RARB: variants seen among roughly 807,000 people sequenced by gnomAD.
The protein encoded by RARB is HBV-activated protein.
In RARB, 17 loss-of-function variants were observed where a neutral mutation model predicts 51.9. The observed-to-expected ratio is 0.33, with a 90% CI of 0.22 to 0.49. The LOEUF is 0.49. Ranked by LOEUF, RARB falls within the 20% of genes least tolerant of loss-of-function variation. The pLI is 0.99. For synonymous variants in RARB, 215 were observed against 195.4 expected, an observed-to-expected ratio of 1.10 and a Z score of -0.84; for missense variants, 369 against 550.8, an observed-to-expected ratio of 0.67 and a Z score of 3.30.
In RARB at chr3:24,909,926, T is replaced by C. The variant is rs1322514245; in HGVS notation, c.-380+51174T>C. Among the ~76,000 whole-genome samples, 5 of 152,306 alleles carry C rather than the reference T, an allele frequency of 3.3e-5. No individual in the cohort carries two copies. The East Asian group carries it at 9.6e-4, about 29-fold the overall frequency. ...GTGTGTTTGTATTTATTCTCCACAG[T>C]AAAGTGTCGAATTTCTATATATTTT... On this transcript the variant is annotated intron_variant, in intron 2 of 11. Transcript: ENST00000383772.
chr3:25,308,034 A>T (rs368320697), intron 5 of RARB, among the ~76,000 whole-genome samples: 4 of 152,236 alleles, frequency 2.6e-5, no homozygotes, highest in South Asian at 4.2e-4. Flanking sequence ...GCCCTGTAGG[A>T]TTGTGTTCCT....
At chr3:25,516,441 A>G (rs1698164028) in intron 3 of RARB, among the ~76,000 whole-genome samples, 1 of 152,168 alleles carries the variant, frequency 6.6e-6, no homozygotes, top group South Asian at 2.1e-4. Flanking sequence ...AAAAAAAGCA[A>G]GGTGCTTTAT....
At chr3:25,142,587 TA>T (rs1700125514) in intron 4 of RARB, among the ~76,000 whole-genome samples, 1 of 106,616 alleles carries the variant, frequency 9.4e-6, no homozygotes, top group Admixed American at 1.2e-4. Flanking sequence ...TCACTGCCTG[TA>T]TTTTTTTTTT....
intron 2 of RARB, among the ~76,000 whole-genome samples, chr3:24,947,991 T>A (rs1695811171): frequency 6.6e-6 from 1 of 152,216 alleles, no homozygotes; most frequent in African/African-American, 2.4e-5. Flanking sequence ...TATGTAGCTC[T>A]ATGAGCTCTC....
intron 5 of RARB, among the ~76,000 whole-genome samples, chr3:25,278,119 C>T (rs1703436291): frequency 6.6e-6 from 1 of 152,078 alleles, no homozygotes; most frequent in Admixed American, 6.6e-5. Context: ...GCAACTTTTC[C>T]ACTTCACGGC....
chr3:25,495,479 A>G (rs2125597626), intron 2 of RARB, among the ~76,000 whole-genome samples: 1 of 152,384 alleles, frequency 6.6e-6, no homozygotes, highest in East Asian at 1.9e-4. Context: ...GATTGGAAAC[A>G]GTGGTACTTC....
chr3:24,855,744 A>ATTTTTTTT (rs34706427), intron 1 of RARB, among the ~76,000 whole-genome samples: 1 of 110,218 alleles, frequency 9.1e-6, no homozygotes. Flanking sequence ...GGAAATCTGC[A>ATTTTTTTT]TTTTTTTTTT....
At chr3:25,004,384 G>T (rs1421435660) in intron 2 of RARB, among the ~76,000 whole-genome samples, 4 of 152,070 alleles carry the variant, frequency 2.6e-5, no homozygotes, top group Non-Finnish European at 5.9e-5. Flanking sequence ...CAGATTCATT[G>T]GCTCACTATT....
At chr3:25,290,282 C>G (rs1347933868) in intron 5 of RARB, among the ~76,000 whole-genome samples, 2 of 152,098 alleles carry the variant, frequency 1.3e-5, no homozygotes, top group African/African-American at 4.8e-5. Context: ...GGACTAACAT[C>G]CTTATGAGAA....
chr3:24,879,498 T>TG (rs1409009234), intron 2 of RARB, among the ~76,000 whole-genome samples: 6 of 149,960 alleles, frequency 4.0e-5, no homozygotes, highest in Non-Finnish European at 5.9e-5. Flanking sequence ...TTTTTTTTTT[T>TG]TTTTTCTTAA....
At chr3:25,345,289 G>A (rs1016939440) in intron 5 of RARB, among the ~76,000 whole-genome samples, 1 of 152,270 alleles carries the variant, frequency 6.6e-6, no homozygotes, top group Admixed American at 6.5e-5. Context: ...TGAGGCTGCT[G>A]AGCAGAAATT....
At position 25,142,519 on chromosome 3, in the gene RARB, A is replaced by AAG. The variant is rs374227013; in HGVS notation, c.-280+10313_-280+10314dup. 3.1e-3 allele frequency among the ~76,000 whole-genome samples: 469 copies of AAG among 152,218 alleles called. 2 individuals are homozygous for AAG. The highest frequency in any genetic ancestry group is 0.011 in the African/African-American group (448 of 41,530). On this transcript the variant is annotated intron_variant, in intron 4 of 11. Coordinates refer to the RARB transcript ENST00000383772. ...TCTTTCATAATAATACTTTGAGGCA[A>AAG]AGATATAATCTCTATGTCCTTCCCT... is the stretch of plus-strand genomic sequence containing the variant.
At chr3:25,020,509 C>T (rs925823944) in intron 2 of RARB, 1 of 152,030 alleles carries the variant, frequency 6.6e-6, no homozygotes, top group Non-Finnish European at 1.5e-5. Flanking sequence ...TTTTGAATAA[C>T]CAGGAATCCT....
chr3:25,155,213 C>T (rs1700354734), intron 4 of RARB, among the ~76,000 whole-genome samples: 1 of 152,100 alleles, frequency 6.6e-6, no homozygotes, highest in South Asian at 2.1e-4. Context: ...CTTCCATGCT[C>T]TCTGTTCTGT....
chr3:25,358,736 T>C (rs1313110254), intron 5 of RARB, among the ~76,000 whole-genome samples: 2 of 152,212 alleles, frequency 1.3e-5, no homozygotes, highest in Admixed American at 6.5e-5. Context: ...AATGAGATAA[T>C]TATGTGGTTT....
At chr3:25,309,253 G>C (rs1184245228) in intron 5 of RARB, among the ~76,000 whole-genome samples, 4 of 144,168 alleles carry the variant, frequency 2.8e-5, no homozygotes, top group South Asian at 2.2e-4. Context: ...CCATTCTCCT[G>C]CCTCAGCCTC....
intron 3 of RARB, among the ~76,000 whole-genome samples, chr3:25,085,704 T>G (rs1699092612): frequency 6.6e-6 from 1 of 152,194 alleles, no homozygotes; most frequent in African/African-American, 2.4e-5. Flanking sequence ...ACACTTGGCT[T>G]CATCATCTTC....
At chr3:24,840,281 C>T (rs984363897) in intron 1 of RARB, among the ~76,000 whole-genome samples, 1 of 152,138 alleles carries the variant, frequency 6.6e-6, no homozygotes, top group African/African-American at 2.4e-5. Context: ...CTTGTAACTG[C>T]CTAGATGGGA....
intron 2 of RARB, among the ~76,000 whole-genome samples, chr3:25,036,999 T>C (rs771113745): frequency 1.3e-5 from 2 of 152,210 alleles, no homozygotes; most frequent in Non-Finnish European, 2.9e-5. Context: ...GATGGTTTTA[T>C]TTCCCTCCTG....
Sources: allele counts gnomAD v4.1 joint callset (sites outside exome capture counted in the v4.1 genomes callset), GRCh38; gene constraint gnomAD v4.1.1; transcripts MANE v1.5; gene names NCBI Gene and HGNC (gene_info 2026-07-23, HGNC 2026-07-21).